The following DLG2 variants were observed in gnomAD, a reference collection of about 807,000 sequenced individuals.
DLG2 encodes the protein discs large MAGUK scaffold protein 2.
In DLG2, 45 loss-of-function variants were observed where a neutral mutation model predicts 132.5. That is an observed-to-expected ratio of 0.34 (90% CI 0.27 to 0.44). DLG2 has a LOEUF of 0.44. Among genes scored for constraint, DLG2 ranks in the 20% least tolerant of loss-of-function variants. The pLI, the probability that DLG2 is intolerant of heterozygous loss-of-function variation, is 1.00. For synonymous variants in DLG2, 424 were observed against 419.6 expected, an observed-to-expected ratio of 1.01 and a Z score of -0.13; for missense variants, 1,045 against 1,196.9, an observed-to-expected ratio of 0.87 and a Z score of 1.87.
At chr11:84,832,034 T>C (rs763887370) in intron 6 of DLG2, among the ~76,000 whole-genome samples, 4 of 151,650 alleles carry the variant, frequency 2.6e-5, no homozygotes, top group Non-Finnish European at 5.9e-5. Context: ...GTATCTGCCA[T>C]AGGCACAGGA....
At chr11:85,445,914 A>G (rs945391403) in intron 3 of DLG2, among the ~76,000 whole-genome samples, 6 of 152,190 alleles carry the variant, frequency 3.9e-5, no homozygotes, top group African/African-American at 1.4e-4. Flanking sequence ...TGCTCTATAT[A>G]TTATGTACAC....
intron 6 of DLG2, among the ~76,000 whole-genome samples, chr11:84,916,285 C>T (rs971828222): frequency 8.3e-6 from 1 of 121,054 alleles, no homozygotes; most frequent in African/African-American, 3.1e-5. Context: ...GGAGGCGGAG[C>T]ATGCAGTGAG....
chr11:85,129,912 T>C (rs1296208473), intron 5 of DLG2, among the ~76,000 whole-genome samples: 1 of 151,966 alleles, frequency 6.6e-6, no homozygotes, highest in Admixed American at 6.6e-5. Flanking sequence ...TGCAGGGACA[T>C]GGATGAAGCT....
chr11:84,764,333 T>C (rs937730832), intron 6 of DLG2, among the ~76,000 whole-genome samples: 2 of 152,180 alleles, frequency 1.3e-5, no homozygotes, highest in Non-Finnish European at 2.9e-5. Context: ...TAAGTACTTA[T>C]TCTTCCATTT....
intron 3 of DLG2, among the ~76,000 whole-genome samples, chr11:85,425,333 G>A (rs1385819760): frequency 6.6e-6 from 1 of 151,984 alleles, no homozygotes; most frequent in Non-Finnish European, 1.5e-5. Flanking sequence ...TTTCAAAAAA[G>A]TTCATTTAAA....
intron 4 of DLG2, among the ~76,000 whole-genome samples, chr11:85,155,165 A>G (rs184643714): frequency 5.3e-5 from 8 of 152,346 alleles, no homozygotes; most frequent in Admixed American, 5.2e-4. Flanking sequence ...ATTATAAAAC[A>G]GATGTTACCT....
intron 18 of DLG2, among the ~76,000 whole-genome samples, chr11:83,764,106 C>A (rs904815736): frequency 1.3e-5 from 2 of 152,194 alleles, no homozygotes; most frequent in East Asian, 1.9e-4. Context: ...GAAGCCATTT[C>A]TTAATGAATG....
intron 2 of DLG2, among the ~76,000 whole-genome samples, chr11:85,617,540 C>G (rs2081420192): frequency 6.6e-6 from 1 of 152,240 alleles, no homozygotes; most frequent in Non-Finnish European, 1.5e-5. Flanking sequence ...CTACTTCAAA[C>G]ATGCATCTGG....
chr11:85,122,871 CAT>C (rs947878291), intron 5 of DLG2, among the ~76,000 whole-genome samples: 4 of 144,748 alleles, frequency 2.8e-5, no homozygotes, highest in Admixed American at 7.1e-5. Context: ...CATATACACA[CAT>C]ATATATGTAT....
At chr11:84,050,419 C>T (rs538061647) in intron 11 of DLG2, among the ~76,000 whole-genome samples, 199 of 151,916 alleles carry the variant, frequency 1.3e-3, no homozygotes, top group African/African-American at 4.4e-3. Context: ...TGGATATTAG[C>T]CTTTTGTCAG....
chr11:85,300,472 A>C (rs920470730), intron 3 of DLG2, among the ~76,000 whole-genome samples: 1 of 152,166 alleles, frequency 6.6e-6, no homozygotes, highest in African/African-American at 2.4e-5. Flanking sequence ...ACAAACAAGG[A>C]GTAAAATTAG....
intron 4 of DLG2, among the ~76,000 whole-genome samples, chr11:85,163,921 T>G (rs1045822941): frequency 2.6e-5 from 4 of 152,122 alleles, no homozygotes; most frequent in African/African-American, 9.7e-5. Context: ...TGTGTACCCA[T>G]GTATGCATGG....
chr11:85,510,075 G>T (rs1598108941), intron 3 of DLG2: 1 of 147,634 alleles, frequency 6.8e-6, no homozygotes, highest in African/African-American at 2.5e-5. Context: ...GGTTAGTTTT[G>T]TGAAAGCTGA....
chr11:83,631,506 A>G (rs1204386669), intron 19 of DLG2: 1 of 152,038 alleles, frequency 6.6e-6, no homozygotes, highest in Non-Finnish European at 1.5e-5. Flanking sequence ...TTGTTACTCT[A>G]AGTCTTTGTC....
chr11:84,053,087 A>G (rs2096429154), intron 11 of DLG2, among the ~76,000 whole-genome samples: 1 of 152,102 alleles, frequency 6.6e-6, no homozygotes, highest in Admixed American at 6.6e-5. Context: ...GCAGCCATAA[A>G]AAAGGAAGGA....
At chr11:83,487,751 T>C (rs767628138) in intron 21 of DLG2, among the ~76,000 whole-genome samples, 4 of 152,192 alleles carry the variant, frequency 2.6e-5, no homozygotes, top group East Asian at 3.9e-4. Flanking sequence ...ATTTTTGTGA[T>C]AGTCATTCAT....
intron 9 of DLG2, among the ~76,000 whole-genome samples, chr11:84,141,658 A>G (rs1381563559): frequency 2.0e-5 from 3 of 152,160 alleles, no homozygotes; most frequent in Non-Finnish European, 4.4e-5. Flanking sequence ...GAGCCAAGTT[A>G]GTTAACATTC....
At chr11:85,424,729 G>C (rs1350225647) in intron 3 of DLG2, among the ~76,000 whole-genome samples, 1 of 152,116 alleles carries the variant, frequency 6.6e-6, no homozygotes. Flanking sequence ...AAGCAGACCT[G>C]ACATTCAAAC....
chr11:84,898,103 A>G (rs1242708858), intron 6 of DLG2, among the ~76,000 whole-genome samples: 1 of 151,958 alleles, frequency 6.6e-6, no homozygotes, highest in Non-Finnish European at 1.5e-5. Flanking sequence ...CAAAGATATA[A>G]CAATAAAAAT....
Sources: allele counts gnomAD v4.1 joint callset (sites outside exome capture counted in the v4.1 genomes callset), GRCh38; gene constraint gnomAD v4.1.1; transcripts MANE v1.5; gene names NCBI Gene and HGNC (gene_info 2026-07-23, HGNC 2026-07-21).